Variants in PCDHGA8 observed in about 807,000 individuals in gnomAD.
PCDHGA8 encodes protocadherin gamma subfamily A, 8, also known as protocadherin gamma-A8.
Under a neutral mutation model 59.2 loss-of-function variants are expected in PCDHGA8, and 45 were observed. The observed-to-expected ratio is 0.76, with a 90% confidence interval of 0.60 to 0.98. The LOEUF (loss-of-function observed/expected upper bound fraction) is 0.98. Among genes scored for constraint, PCDHGA8 ranks in the 50% least tolerant of loss-of-function variants. PCDHGA8 has a pLI of 0.00. For synonymous variants in PCDHGA8, 531 were observed against 519.0 expected (o/e 1.02, Z -0.32); for missense variants, 1,257 against 1,196.2 (o/e 1.05, Z -0.75).
intron 1 of PCDHGA8, among the ~76,000 whole-genome samples, chr5:141,451,072 C>A (rs2098705989): frequency 6.6e-6 from 1 of 152,026 alleles, no homozygotes; most frequent in African/African-American, 2.4e-5. Context: ...TTGTGATCCA[C>A]CCACCTTGAC....
At chr5:141,462,539 T>G (rs2099042077) in intron 1 of PCDHGA8, among the ~76,000 whole-genome samples, 1 of 152,184 alleles carries the variant, frequency 6.6e-6, no homozygotes, top group African/African-American at 2.4e-5. Flanking sequence ...TTCAGTGATC[T>G]TTTCTTCTTC....
chr5:141,410,774 C>G, intron 1 of PCDHGA8: 4 of 955,126 alleles, frequency 4.2e-6, no homozygotes, highest in Non-Finnish European at 5.8e-6. Context: ...ATAGTTTTCA[C>G]TATGTATTTG....
At chr5:141,499,689 C>CTTT (rs545067566) in intron 2 of PCDHGA8, among the ~76,000 whole-genome samples, 57 of 119,830 alleles carry the variant, frequency 4.8e-4, no homozygotes, top group Non-Finnish European at 6.2e-4. Context: ...TAACAGATGA[C>CTTT]TTTTTTTTTT....
At chr5:141,463,338 G>A (rs1005543705) in intron 1 of PCDHGA8, among the ~76,000 whole-genome samples, 2 of 150,742 alleles carry the variant, frequency 1.3e-5, no homozygotes, top group African/African-American at 2.4e-5. Flanking sequence ...CAAAACCATG[G>A]TGTTATTCTT....
intron 1 of PCDHGA8, chr5:141,433,025 G>A: frequency 6.2e-7 from 1 of 1,614,144 alleles, no homozygotes; most frequent in Non-Finnish European, 8.5e-7. Context: ...CTATTCCCAC[G>A]AGGTTTCCCT....
intron 1 of PCDHGA8, among the ~76,000 whole-genome samples, chr5:141,457,278 C>T (rs1446074161): frequency 6.6e-6 from 1 of 152,196 alleles, no homozygotes; most frequent in Non-Finnish European, 1.5e-5. Flanking sequence ...TGTGGGCCTA[C>T]GAAGTTCCTT....
At chr5:141,507,009 C>T (rs988626142) in intron 3 of PCDHGA8, 1 of 152,154 alleles carries the variant, frequency 6.6e-6, no homozygotes, top group South Asian at 2.1e-4. Context: ...ATGAGAGAAC[C>T]GAGAAGGCAC....
intron 1 of PCDHGA8, among the ~76,000 whole-genome samples, chr5:141,462,211 C>T (rs543979258): frequency 2.0e-5 from 3 of 151,998 alleles, no homozygotes; most frequent in South Asian, 2.1e-4. Context: ...CCGCCTGCCT[C>T]GGCCTCCCAA....
intron 2 of PCDHGA8, among the ~76,000 whole-genome samples, chr5:141,499,099 C>T (rs1031964059): frequency 1.3e-5 from 2 of 152,156 alleles, no homozygotes; most frequent in Non-Finnish European, 2.9e-5. Context: ...ACATGCTTCT[C>T]CTCCCCACCA....
chr5:141,500,520 T>TA (rs2099801149), intron 2 of PCDHGA8, among the ~76,000 whole-genome samples: 2 of 152,312 alleles, frequency 1.3e-5, no homozygotes, highest in Admixed American at 1.3e-4. Flanking sequence ...AGCTTCATTT[T>TA]AAAAAAATCT....
intron 1 of PCDHGA8, chr5:141,423,421 G>A (rs772863950): frequency 1.2e-6 from 2 of 1,614,080 alleles, no homozygotes; most frequent in Non-Finnish European, 1.7e-6. Flanking sequence ...TTCTGAAGGC[G>A]GGTTGGCAGG....
chr5:141,485,619 G>A lies in PCDHGA8; in HGVS notation c.2425-9188G>A. On this transcript the variant is annotated intron_variant, in intron 1 of 3. Coordinates refer to ENST00000398604, the MANE Select transcript of PCDHGA8 (RefSeq NM_032088.2). This position sits in a 1 kb window ranked among gnomAD's most constrained non-coding sequence, Gnocchi z 5.7. ...GAAATTGGGGAGGCAGCTCCTCCAG[G>A]ACAGCGTTTCCCGTTGGAAAAGGCT... 3 of 1,612,234 alleles carry A rather than the reference G, an allele frequency of 1.9e-6. No homozygotes were observed. The highest frequency in any genetic ancestry group is 2.5e-6 in the Non-Finnish European group (3 of 1,178,678).
At chr5:141,479,651 C>CAAA (rs931031810) in intron 1 of PCDHGA8, 2 of 152,124 alleles carry the variant, frequency 1.3e-5, no homozygotes, top group African/African-American at 2.4e-5. Flanking sequence ...ACAACAACAA[C>CAAA]AATCCCAGAA....
At position 141,491,809 on chromosome 5, in the gene PCDHGA8, C is replaced by A. The variant is rs1421763758; in HGVS notation, c.2425-2998C>A. The A allele has an allele frequency of 6.7e-7, 1 of 1,487,044 alleles. No homozygotes were observed. The highest frequency in any genetic ancestry group is 1.4e-5 in the South Asian group (1 of 72,986). The allele number at this position is 1,487,044 out of a possible 1,614,324, so 92.1% of individuals were successfully genotyped here. On this transcript the variant is annotated intron_variant, in intron 1 of 3. Coordinates refer to ENST00000398604, the MANE Select transcript of PCDHGA8 (RefSeq NM_032088.2). This position sits in a 1 kb window ranked among gnomAD's most constrained non-coding sequence, Gnocchi z 6.9. Reference sequence around the variant, plus strand: ...TCCACTCCTCTCCGGCCGGCTTGGTCGCTGGCTGCGCTCCACCCGATTCTC... The same window carrying A: ...TCCACTCCTCTCCGGCCGGCTTGGTAGCTGGCTGCGCTCCACCCGATTCTC...
At chr5:141,422,862 C>T in intron 1 of PCDHGA8, 1 of 1,614,270 alleles carries the variant, frequency 6.2e-7, no homozygotes, top group Non-Finnish European at 8.5e-7. Flanking sequence ...CCCTCAGCAG[C>T]AACGTGTCGC....
intron 1 of PCDHGA8, chr5:141,415,488 C>T: frequency 1.9e-6 from 3 of 1,614,220 alleles, no homozygotes; most frequent in Non-Finnish European, 2.5e-6. Context: ...GAAAGAGTCA[C>T]CTGATCTTCC....
Position 141,489,714 on chromosome 5 carries a change from G to C in PCDHGA8, c.2425-5093G>C, listed in dbSNP as rs770143357. On this transcript the variant is annotated intron_variant, in intron 1 of 3. Coordinates refer to ENST00000398604, the MANE Select transcript of PCDHGA8 (RefSeq NM_032088.2). The surrounding 1 kb of genome is among the most constrained non-coding windows in gnomAD (Gnocchi z 4.5). Reference sequence around the variant, plus strand: ...CACGATTCCCACTGGACAGTGCCCAGGATCCGGATGTGGGCACCAATACTG... The same window carrying C: ...CACGATTCCCACTGGACAGTGCCCACGATCCGGATGTGGGCACCAATACTG... 7.4e-6 allele frequency: 12 copies of C among 1,613,958 alleles called. No individual in the cohort carries two copies. The highest frequency in any genetic ancestry group is 1.0e-5 in the Non-Finnish European group (12 of 1,179,930).
At position 141,393,689 on chromosome 5, in the gene PCDHGA8, C is replaced by G. The variant is rs2150535299; in HGVS notation, c.876C>G (p.Phe292Leu). ...TTAATGAAAAACAAACTCCGTTATT[C>G]CAGCTTAATGAAAATACTGGGGAAA... is the stretch of plus-strand genomic sequence containing the variant. The part of the protein sequence containing the change: ...RKINEKQTPL[F>L]QLNENTGEIS... Residue 292 changes from phenylalanine to leucine, a missense_variant, in exon 1 of 4, where the codon TTC (phenylalanine) becomes TTG (leucine). Physicochemically the swap from Phe to Leu is conservative, Grantham distance 22. Transcript: ENST00000398604. 1 of 1,613,890 alleles carries G rather than the reference C, an allele frequency of 6.2e-7. No homozygotes were observed. The highest frequency in any genetic ancestry group is 1.7e-4 in the Middle Eastern group (1 of 6,060).
chr5:141,487,499 G>A lies in PCDHGA8; in HGVS notation c.2425-7308G>A, dbSNP rs2099647158. On this transcript the variant is annotated intron_variant, in intron 1 of 3. Transcript: ENST00000398604. This position sits in a 1 kb window ranked among gnomAD's most constrained non-coding sequence, Gnocchi z 5.0. ...CCACTCTCATGGCTGTACACCCTTGGCTTCTGCACCCACTCGGAGTGATAG... is the reference window on the plus strand; with the variant it reads ...CCACTCTCATGGCTGTACACCCTTGACTTCTGCACCCACTCGGAGTGATAG... The A allele has an allele frequency of 3.1e-6, 5 of 1,614,152 alleles. No homozygotes were observed. The highest frequency in any genetic ancestry group is 2.2e-5 in the East Asian group (1 of 44,852).
Sources: allele counts gnomAD v4.1 joint callset (sites outside exome capture counted in the v4.1 genomes callset), GRCh38; gene constraint gnomAD v4.1.1; non-coding constraint Gnocchi (gnomAD v3.1); transcripts MANE v1.5; gene names NCBI Gene and HGNC (gene_info 2026-07-23, HGNC 2026-07-21).